The following PIGF variants were observed in gnomAD, a reference collection of about 807,000 sequenced individuals.
The protein encoded by PIGF is GPI ethanolamine phosphate transferase, stabilizing subunit.
In PIGF, 23 loss-of-function variants were observed where a neutral mutation model predicts 26.0. The observed-to-expected ratio is 0.88, with a 90% CI of 0.64 to 1.25. The LOEUF (loss-of-function observed/expected upper bound fraction) is 1.25. Ranked by LOEUF, PIGF falls within the 50% of genes most tolerant of loss-of-function variation. The probability of loss-of-function intolerance (pLI) is 0.00; values close to 1 mark genes in which losing one functional copy is unlikely to be tolerated. For synonymous variants in PIGF, 93 were observed against 92.6 expected (o/e 1.00, Z -0.03); for missense variants, 278 against 249.9 (o/e 1.11, Z -0.76).
chr2:46,592,656 C>G, intron 4 of PIGF, 73 bp from the exon 5 acceptor site: 1 of 760,476 alleles, frequency 1.3e-6, no homozygotes, highest in East Asian at 2.5e-5. Context: ...AGCACTAGCA[C>G]ACATTATCAG....
Position 46,581,472 on chromosome 2 carries a change from C to T in PIGF, c.*6G>A, listed in dbSNP as rs1434768356. 3.7e-6 allele frequency: 6 copies of T among 1,609,832 alleles called. No homozygotes were observed. The highest frequency in any genetic ancestry group is 4.5e-5 in the East Asian group (2 of 44,830). ...CTGCACAAAGAAATATCTCCCTTTG[C>T]TCCAGTTAATTGTTCTTGTATGTAA... On this transcript the variant is annotated 3_prime_UTR_variant, in exon 6 of 6. Transcript: ENST00000281382.
chr2:46,612,359 A>T lies in PIGF; in HGVS notation c.321-15T>A. 1.0e-6 allele frequency: 1 copy of T among 985,272 alleles called. No homozygotes were observed. 61.0% of individuals were successfully genotyped at this position (985,272 alleles called of 1,614,324 possible). ...CCAATGCCAACCTAGAAAAAAAAAA[A>T]GATTACTTTTTAAAAAAGTGTTAAA... On this transcript the variant is annotated splice_polypyrimidine_tract_variant and intron_variant, in intron 3 of 5. Transcript: ENST00000281382.
At chr2:46,597,483 G>C (rs905866902) in intron 4 of PIGF, among the ~76,000 whole-genome samples, 1 of 151,914 alleles carries the variant, frequency 6.6e-6, no homozygotes, top group Non-Finnish European at 1.5e-5. Context: ...CACGATCTTG[G>C]CTTACTGCAA....
chr2:46,604,409 G>C (rs961867835), intron 4 of PIGF, among the ~76,000 whole-genome samples: 5 of 151,822 alleles, frequency 3.3e-5, no homozygotes, highest in Admixed American at 6.6e-5. Context: ...GGACTCCCAT[G>C]TTTATTGCAT....
At chr2:46,616,546 A>C (rs1395635294) in intron 1 of PIGF, 1 of 153,252 alleles carries the variant, frequency 6.5e-6, no homozygotes, top group East Asian at 1.9e-4. Context: ...GGACGCCTGC[A>C]GAAGTGCCAC....
intron 5 of PIGF, among the ~76,000 whole-genome samples, chr2:46,586,042 G>A (rs1410765435): frequency 6.6e-6 from 1 of 152,156 alleles, no homozygotes; most frequent in Non-Finnish European, 1.5e-5. Flanking sequence ...CCAAAGTGCT[G>A]GGATTACAGG....
At chr2:46,610,630 A>T (rs745542768) in intron 4 of PIGF, among the ~76,000 whole-genome samples, 1 of 150,388 alleles carries the variant, frequency 6.6e-6, no homozygotes, top group Non-Finnish European at 1.5e-5. Flanking sequence ...CCTGGGTTCA[A>T]GCAATTCTCC....
At position 46,580,981 on chromosome 2, in the gene PIGF, G is replaced by A. The variant is rs755258293; in HGVS notation, c.*497C>T. On this transcript the variant is annotated 3_prime_UTR_variant, in exon 6 of 6. Transcript: ENST00000281382. Reference sequence around the variant, plus strand: ...CAGCTTTAACCCAGAAGGGATTGAAGACTGTTTTTGATGAGGCTATCATAG... The same window carrying A: ...CAGCTTTAACCCAGAAGGGATTGAAAACTGTTTTTGATGAGGCTATCATAG... The A allele has an allele frequency of 1.3e-6, 2 of 1,581,760 alleles. No homozygotes were observed. The highest frequency in any genetic ancestry group is 2.3e-4 in the Middle Eastern group (1 of 4,318).
At chr2:46,594,215 T>G (rs759056087) in intron 4 of PIGF, among the ~76,000 whole-genome samples, 6 of 152,348 alleles carry the variant, frequency 3.9e-5, no homozygotes, top group Non-Finnish European at 8.8e-5. Flanking sequence ...AATTTTTGAC[T>G]ACATGTGGCT....
In PIGF at chr2:46,589,792, A is replaced by G. The variant is rs1669673454; in HGVS notation, c.546+2683T>C. On this transcript the variant is annotated intron_variant, in intron 5 of 5. Coordinates refer to ENST00000281382, the MANE Select transcript of PIGF (RefSeq NM_002643.4). The surrounding 1 kb of genome is among the most constrained non-coding windows in gnomAD (Gnocchi z 4.7). ...TTATCTGATTTATTGCTTCTCTGGGAGATGCTGTTCTGTGGAGTTAGAATT... is the reference window on the plus strand; with the variant it reads ...TTATCTGATTTATTGCTTCTCTGGGGGATGCTGTTCTGTGGAGTTAGAATT... Among the ~76,000 whole-genome samples, 2 of 151,960 alleles carry G rather than the reference A, an allele frequency of 1.3e-5. No individual in the cohort carries two copies. Among genetic ancestry groups the G allele is most frequent in the South Asian group, 4.1e-4 (2 of 4,830 alleles).
chr2:46,607,070 T>C (rs1670246589), intron 4 of PIGF, among the ~76,000 whole-genome samples: 1 of 152,186 alleles, frequency 6.6e-6, no homozygotes, highest in African/African-American at 2.4e-5. Flanking sequence ...AGACAGTAAG[T>C]AGATTGGTGG....
intron 4 of PIGF, among the ~76,000 whole-genome samples, chr2:46,595,341 C>G (rs144926522): frequency 3.8e-4 from 58 of 152,262 alleles, no homozygotes; most frequent in African/African-American, 1.2e-3. Context: ...CTGGACATTT[C>G]ATATAAATGG....
At chr2:46,604,996 C>G (rs1453408140) in intron 4 of PIGF, among the ~76,000 whole-genome samples, 1 of 150,586 alleles carries the variant, frequency 6.6e-6, no homozygotes, top group Non-Finnish European at 1.5e-5. Context: ...TATGTAGACA[C>G]AAAAAAATAA....
intron 5 of PIGF, among the ~76,000 whole-genome samples, chr2:46,586,819 T>A (rs1482173541): frequency 6.6e-6 from 1 of 152,218 alleles, no homozygotes; most frequent in Non-Finnish European, 1.5e-5. Flanking sequence ...CAGGAATACA[T>A]GCACAAATGA....
rs1669669119 is a variant in PIGF at position 46,589,572 on chromosome 2, T to G, written c.546+2903A>C. On this transcript the variant is annotated intron_variant, in intron 5 of 5. Coordinates refer to ENST00000281382, the MANE Select transcript of PIGF (RefSeq NM_002643.4). This position sits in a 1 kb window ranked among gnomAD's most constrained non-coding sequence, Gnocchi z 4.7. ...TATTCCTGTTTCTCTGACTGGAATA[T>G]AAATAAAACCAGAACACAATCCAGA... is the stretch of plus-strand genomic sequence containing the variant. Among the ~76,000 whole-genome samples, 1 of 151,910 alleles carries G rather than the reference T, an allele frequency of 6.6e-6. No homozygotes were observed. The highest frequency in any genetic ancestry group is 2.4e-5 in the African/African-American group (1 of 41,410).
In PIGF at chr2:46,592,801, G is replaced by A. The variant is rs188267303; in HGVS notation, c.438-218C>T. Among the ~76,000 whole-genome samples, 486 of 152,256 alleles carry A rather than the reference G, an allele frequency of 3.2e-3. 10 individuals are homozygous for A. The highest frequency in any genetic ancestry group is 0.029 in the Admixed American group (445 of 15,292). ...GGAAAGGTAATATACAGACGCACTAGGAGTCAAACCATGTTAAAGAGCATT... is the reference window on the plus strand; with the variant it reads ...GGAAAGGTAATATACAGACGCACTAAGAGTCAAACCATGTTAAAGAGCATT... On this transcript the variant is annotated intron_variant, in intron 4 of 5. Transcript: ENST00000281382.
At chr2:46,604,766 G>C (rs1360290261) in intron 4 of PIGF, among the ~76,000 whole-genome samples, 1 of 151,854 alleles carries the variant, frequency 6.6e-6, no homozygotes, top group African/African-American at 2.4e-5. Context: ...GCATGAAAAA[G>C]ATAGAATGAG....
Position 46,612,396 on chromosome 2 carries a change from A to C in PIGF, c.321-52T>G, listed in dbSNP as rs762712413. ...AAAAAAGTGTTAAAGGTAAACATAC[A>C]CATACATAATCTTTATTATATAAAT... On this transcript the variant is annotated intron_variant, in intron 3 of 5. Transcript: ENST00000281382. 11 of 562,678 alleles carry C rather than the reference A, an allele frequency of 2.0e-5. No individual in the cohort carries two copies. The South Asian group carries it at 3.2e-4, about 17-fold the overall frequency. The allele number at this position is 562,678 out of a possible 1,614,324, so 34.9% of individuals were successfully genotyped here.
intron 2 of PIGF, chr2:46,614,049 C>T (rs1182004566): frequency 3.0e-6 from 1 of 335,356 alleles, no homozygotes; most frequent in East Asian, 6.7e-5. Context: ...GTTCTGTTTC[C>T]ATGGTAATAT....
Sources: gnomAD v4.1 joint callset for allele counts (sites outside exome capture counted in the v4.1 genomes callset) on GRCh38, gnomAD v4.1.1 for gene constraint, Gnocchi (gnomAD v3.1) non-coding constraint, MANE v1.5 for transcripts, NCBI Gene and HGNC (gene_info 2026-07-23, HGNC 2026-07-21) for gene names.